The following ZNF426 variants were observed in gnomAD, a reference collection of about 807,000 sequenced individuals.
ZNF426 encodes zinc finger protein 426, also known as CTC-543D15.7.
A neutral mutation model predicts 24.0 loss-of-function variants in ZNF426; 23 were observed. That is an observed-to-expected ratio of 0.96 (90% CI 0.69 to 1.36). The LOEUF (loss-of-function observed/expected upper bound fraction) is 1.36. Ranked by LOEUF, ZNF426 falls within the 40% of genes most tolerant of loss-of-function variation. The pLI, the probability that ZNF426 is intolerant of heterozygous loss-of-function variation, is 0.00. For synonymous variants in ZNF426, 272 were observed against 224.6 expected, an observed-to-expected ratio of 1.21 and a Z score of -1.89; for missense variants, 646 against 658.4, an observed-to-expected ratio of 0.98 and a Z score of 0.21.
chr19:9,529,565 G>A lies in ZNF426; in HGVS notation c.480C>T (p.Cys160=), dbSNP rs763948093. 3.1e-6 allele frequency: 5 copies of A among 1,609,112 alleles called. No homozygotes were observed. The South Asian group carries it at 3.3e-5, about 11-fold the overall frequency. The change falls in exon 8 of 8, where the codon TGC becomes TGT. Residue 160 remains cysteine, a synonymous_variant. Transcript: ENST00000253115. ...TTTGAGTTCTCACGTGCGTCTTAAG[G>A]CATGAGTGTTCACTGAAGACTTCTC... is the stretch of plus-strand genomic sequence containing the variant. ...QCGEVFSEHS[C]LKTHVRTQST... is the part of the protein sequence containing the mutation.
rs1259248273 is a variant in ZNF426 at position 9,526,940 on chromosome 19, ATACT to A, written c.*1436_*1439del. On this transcript the variant is annotated 3_prime_UTR_variant, in exon 8 of 8. Transcript: ENST00000253115. ...TAAAATAAAAATGTTTATTTTTCTA[ATACT>A]TAATTGATCTGATAACTTCTGAAAA... is the stretch of plus-strand genomic sequence containing the variant. 2.0e-5 allele frequency: 3 copies of A among 152,212 alleles called. No homozygotes were observed. Among genetic ancestry groups the A allele is most frequent in the Admixed American group, 1.3e-4 (2 of 15,276 alleles). The allele number at this position is 152,212 out of a possible 1,614,324, so 9.4% of individuals were successfully genotyped here.
chr19:9,527,990 CTT>C lies in ZNF426; in HGVS notation c.*388_*389del, dbSNP rs201978637. 71 of 141,172 alleles carry C rather than the reference CTT, an allele frequency of 5.0e-4. No individual in the cohort carries two copies. The highest frequency in any genetic ancestry group is 1.1e-3 in the South Asian group (5 of 4,748). 8.7% of individuals were successfully genotyped at this position (141,172 alleles called of 1,614,324 possible). A position where few individuals can be genotyped will look rare whatever the true frequency, so the allele number is the denominator to read the frequency against. ...AGACTCAATTTAATCAAATAATTTT[CTT>C]TTTTTTTTTTTTTTGAGATGGAGTC... is the stretch of plus-strand genomic sequence containing the variant. On this transcript the variant is annotated 3_prime_UTR_variant, in exon 8 of 8. Coordinates refer to ENST00000253115, the MANE Select transcript of ZNF426 (RefSeq NM_024106.3).
chr19:9,531,763 T>C (rs1192290204), intron 6 of ZNF426, among the ~76,000 whole-genome samples: 1 of 152,110 alleles, frequency 6.6e-6, no homozygotes, highest in African/African-American at 2.4e-5. Flanking sequence ...GGCAGGCAGA[T>C]CACGAGGTCA....
chr19:9,529,682 T>C (rs1230039135), intron 7 of ZNF426, 46 bp from the exon 8 acceptor site: 1 of 1,517,500 alleles, frequency 6.6e-7, no homozygotes, highest in African/African-American at 1.4e-5. Flanking sequence ...TCAAACATAT[T>C]AACAGAACAT....
intron 4 of ZNF426, 42 bp downstream of exon 4, chr19:9,535,146 T>G (rs200016698): frequency 1.0e-5 from 15 of 1,479,820 alleles, no homozygotes; most frequent in Non-Finnish European, 1.4e-5. Context: ...ACCTGGTGGA[T>G]GCAAGTATGT....
chr19:9,537,592 CTT>C (rs568689139), intron 2 of ZNF426, among the ~76,000 whole-genome samples: 2 of 142,824 alleles, frequency 1.4e-5, no homozygotes, highest in African/African-American at 2.6e-5. Context: ...ACCCAGCCAG[CTT>C]TTTTTTTTTT....
rs536662030 is a variant in ZNF426 at position 9,527,494 on chromosome 19, T to C, written c.*886A>G. 2.0e-5 allele frequency: 3 copies of C among 152,208 alleles called. No individual in the cohort carries two copies. The highest frequency in any genetic ancestry group is 6.5e-5 in the Admixed American group (1 of 15,272). The allele number at this position is 152,208 out of a possible 1,614,324, so 9.4% of individuals were successfully genotyped here. The stretch of plus-strand genomic sequence containing the variant: ...CTTGCATGTGAATATTAAAATATAG[T>C]GAACATTCACAGGCTTTTTCATGCT... On this transcript the variant is annotated 3_prime_UTR_variant, in exon 8 of 8. Transcript: ENST00000253115.
intron 7 of ZNF426, among the ~76,000 whole-genome samples, chr19:9,530,443 G>A (rs1211181702): frequency 6.8e-6 from 1 of 147,642 alleles, no homozygotes; most frequent in East Asian, 2.0e-4. Flanking sequence ...GACACAGCAA[G>A]ACCTTGTCTC....
At position 9,527,215 on chromosome 19, in the gene ZNF426, T is replaced by A. The variant is rs574194450; in HGVS notation, c.*1165A>T. On this transcript the variant is annotated 3_prime_UTR_variant, in exon 8 of 8. Coordinates refer to ENST00000253115, the MANE Select transcript of ZNF426 (RefSeq NM_024106.3). Reference sequence around the variant, plus strand: ...CAGGGTTCTGAGGTAATTTTACATGTGTAAAAAAAATTCTGTGGAATTAAT... The same window carrying A: ...CAGGGTTCTGAGGTAATTTTACATGAGTAAAAAAAATTCTGTGGAATTAAT... 43 of 152,258 alleles carry A rather than the reference T, an allele frequency of 2.8e-4. No individual in the cohort carries two copies. Among genetic ancestry groups the A allele is most frequent in the African/African-American group, 1.0e-3 (43 of 41,540 alleles). The allele number at this position is 152,258 out of a possible 1,614,324, so 9.4% of individuals were successfully genotyped here.
chr19:9,533,766 G>T, intron 5 of ZNF426, 74 bp downstream of exon 5: 1 of 1,588,342 alleles, frequency 6.3e-7, no homozygotes, highest in Non-Finnish European at 8.6e-7. Flanking sequence ...AGTTGACATT[G>T]CCAATGCTGC....
In ZNF426 at chr19:9,528,137, C is replaced by G. The variant is rs1401426497; in HGVS notation, c.*243G>C. On this transcript the variant is annotated 3_prime_UTR_variant, in exon 8 of 8. Coordinates refer to ENST00000253115, the MANE Select transcript of ZNF426 (RefSeq NM_024106.3). Reference sequence around the variant, plus strand: ...CCAAGTAGCTGGGATTACAGGTGCCCACCACACCTGGCTAAATTTTTTGTA... The same window carrying G: ...CCAAGTAGCTGGGATTACAGGTGCCGACCACACCTGGCTAAATTTTTTGTA... 5.2e-6 allele frequency: 2 copies of G among 386,950 alleles called. No individual in the cohort carries two copies. The highest frequency in any genetic ancestry group is 1.0e-4 in the East Asian group (2 of 19,890). 24.0% of individuals were successfully genotyped at this position (386,950 alleles called of 1,614,324 possible).
rs1290177207 is a variant in ZNF426, at chr19:9,536,324, TC to T, written c.-93del. ...TTAATCTAAATGGACAGTGGCAATC[TC>T]CATTCCTCTTTAAACAGGGTTATTG... On this transcript the variant is annotated 5_prime_UTR_variant, in exon 3 of 8. It introduces an in-frame stop codon into an upstream open reading frame of the 5' UTR. Coordinates refer to ENST00000253115, the MANE Select transcript of ZNF426 (RefSeq NM_024106.3). The T allele has an allele frequency of 6.2e-7, 1 of 1,611,830 alleles. No homozygotes were observed. Among genetic ancestry groups the T allele is most frequent in the African/African-American group, 1.3e-5 (1 of 75,008 alleles).
In ZNF426 at chr19:9,528,648, T is replaced by G. The variant is rs1164647538; in HGVS notation, c.1397A>C (p.His466Pro). The G allele has an allele frequency of 1.2e-6, 2 of 1,614,158 alleles. No homozygotes were observed. Among genetic ancestry groups the G allele is most frequent in the African/African-American group, 2.7e-5 (2 of 75,042 alleles). ...AFNYSTHLKI[H>P]MRIHTGEKPY... ...TTTTTCTCCAGTGTGGATTCGCATG[T>G]GAATTTTAAGGTGGGTGGAATAGTT... Residue 466 changes from histidine to proline, a missense_variant, in exon 8 of 8, where the codon CAC (histidine) becomes CCC (proline). Coordinates refer to ENST00000253115, the MANE Select transcript of ZNF426 (RefSeq NM_024106.3).
At position 9,532,912 on chromosome 19, in the gene ZNF426, G is replaced by T. The variant is rs954638698; in HGVS notation, c.258C>A (p.Ile86=). The T allele has an allele frequency of 6.2e-7, 1 of 1,613,858 alleles. No homozygotes were observed. Among genetic ancestry groups the T allele is most frequent in the Non-Finnish European group, 8.5e-7 (1 of 1,179,796 alleles). Residue 86 remains isoleucine, a synonymous_variant, in exon 6 of 8, where the codon ATC becomes ATA. Transcript: ENST00000253115. ...KNLATVGGQI[I]KPSLISWLEQ... ...CCAACCAAGAGATTAGACTGGGTTT[G>T]ATGATCTGACCTCCTGAGCACAGAG...
At position 9,525,014 on chromosome 19, in the gene ZNF426, C is replaced by G. The variant is rs2073777535; in HGVS notation, c.*3366G>C. 1 of 151,734 alleles carries G rather than the reference C, an allele frequency of 6.6e-6. No homozygotes were observed. The highest frequency in any genetic ancestry group is 2.4e-5 in the African/African-American group (1 of 41,354). 9.4% of individuals were successfully genotyped at this position (151,734 alleles called of 1,614,324 possible). A position where few individuals can be genotyped will look rare whatever the true frequency, so the allele number is the denominator to read the frequency against. On this transcript the variant is annotated 3_prime_UTR_variant, in exon 8 of 8. Coordinates refer to ENST00000253115, the MANE Select transcript of ZNF426 (RefSeq NM_024106.3). ...CCTGTAATCCCAGCACTTTGGGAGG[C>G]CGAGGCGGGCGGATCACGAGGTCAG...
intron 6 of ZNF426, 132 bp from the exon 7 acceptor site, chr19:9,531,199 A>G (rs111342750): frequency 3.0e-6 from 2 of 661,620 alleles, no homozygotes; most frequent in South Asian, 1.7e-5. Context: ...AGCCTGGCCA[A>G]CATGGCAAAA....
chr19:9,535,878 C>T (rs1022916980), intron 3 of ZNF426, among the ~76,000 whole-genome samples: 2 of 151,770 alleles, frequency 1.3e-5, no homozygotes, highest in Admixed American at 1.3e-4. Flanking sequence ...AACATACAAC[C>T]TACTACCATA....
chr19:9,526,687 A>G lies in ZNF426; in HGVS notation c.*1693T>C, dbSNP rs562356557. On this transcript the variant is annotated 3_prime_UTR_variant, in exon 8 of 8. Coordinates refer to ENST00000253115, the MANE Select transcript of ZNF426 (RefSeq NM_024106.3). ...AAAAAAAAAGGGAAACAATGACAGA[A>G]TTTCTCAAAATTAACTCAGACACCA... 2 of 152,320 alleles carry G rather than the reference A, an allele frequency of 1.3e-5. No individual in the cohort carries two copies. Among genetic ancestry groups the G allele is most frequent in the South Asian group, 4.1e-4 (2 of 4,826 alleles). The allele number at this position is 152,320 out of a possible 1,614,324, so 9.4% of individuals were successfully genotyped here.
rs761859701 is a variant in ZNF426 at position 9,529,359 on chromosome 19, CA to C, written c.685del (p.Cys229ValfsTer15). 3.1e-6 allele frequency: 5 copies of C among 1,614,082 alleles called. No homozygotes were observed. Among genetic ancestry groups the C allele is most frequent in the Non-Finnish European group, 4.2e-6 (5 of 1,180,038 alleles). ...TQEKSFECSH[C>X]GKSFINESYL... ...TGACTCATTAATGAAGGATTTTCCACAGTGACTACATTCAAATGACTTTTCT... is the reference window on the plus strand; with the variant it reads ...TGACTCATTAATGAAGGATTTTCCACGTGACTACATTCAAATGACTTTTCT... On this transcript the variant is annotated frameshift_variant, in exon 8 of 8. Transcript: ENST00000253115. LOFTEE classifies it low-confidence loss of function (END_TRUNC).
Sources: gnomAD v4.1 joint callset for allele counts (sites outside exome capture counted in the v4.1 genomes callset) on GRCh38, gnomAD v4.1.1 for gene constraint, MANE v1.5 for transcripts, NCBI Gene and HGNC (gene_info 2026-07-23, HGNC 2026-07-21) for gene names.